CDH13: variants seen among roughly 807,000 people sequenced by gnomAD.
CDH13 encodes the protein cadherin 13.
In CDH13, 24 loss-of-function variants were observed where a neutral mutation model predicts 63.8. The ratio of observed to expected loss-of-function variants is 0.38; its 90% CI spans 0.27 to 0.53. The LOEUF is 0.53. CDH13 is among the 20% of genes least tolerant of loss of function. The pLI is 0.85. For missense variants in CDH13, 1,049 were observed against 903.1 expected, an observed-to-expected ratio of 1.16 and a Z score of -2.07; for synonymous variants, 503 against 355.3, an observed-to-expected ratio of 1.42 and a Z score of -4.67.
At chr16:83,085,718 G>C (rs1440177025) in intron 3 of CDH13, among the ~76,000 whole-genome samples, 1 of 152,168 alleles carries the variant, frequency 6.6e-6, no homozygotes, top group African/African-American at 2.4e-5. Context: ...AGGGAGATGA[G>C]CAACCATGTC....
chr16:83,569,414 G>T (rs1014985948), intron 7 of CDH13, among the ~76,000 whole-genome samples: 7 of 152,330 alleles, frequency 4.6e-5, no homozygotes, highest in South Asian at 2.1e-4. Context: ...CTTCCTTGGG[G>T]AGTAACTTTA....
chr16:83,117,045 C>G (rs149324854), intron 3 of CDH13, among the ~76,000 whole-genome samples: 2 of 152,194 alleles, frequency 1.3e-5, no homozygotes, highest in Non-Finnish European at 2.9e-5. Flanking sequence ...TGTTATCTTA[C>G]GACAGACCTG....
chr16:83,128,982 CTATT>C (rs1467606730), intron 4 of CDH13, among the ~76,000 whole-genome samples: 8 of 152,206 alleles, frequency 5.3e-5, no homozygotes, highest in Admixed American at 2.0e-4. Flanking sequence ...TTTGCAAAAA[CTATT>C]TATTTGTCCC....
At chr16:82,672,298 A>G (rs966635185) in intron 1 of CDH13, among the ~76,000 whole-genome samples, 1 of 152,200 alleles carries the variant, frequency 6.6e-6, no homozygotes, top group Non-Finnish European at 1.5e-5. Flanking sequence ...TGTCTTCCTC[A>G]TTATTACTCC....
At chr16:82,706,111 C>A (rs1055596056) in intron 1 of CDH13, among the ~76,000 whole-genome samples, 1 of 152,022 alleles carries the variant, frequency 6.6e-6, no homozygotes, top group Non-Finnish European at 1.5e-5. Flanking sequence ...TTCCTCACTC[C>A]TCCCTTCTCT....
rs1376556392 is a variant in CDH13, at chr16:83,602,797, G to A, written c.1101+203G>A. Among the ~76,000 whole-genome samples the A allele has an allele frequency of 7.9e-5, 12 of 152,138 alleles. No homozygotes were observed. The East Asian group carries it at 1.5e-3, about 20-fold the overall frequency. On this transcript the variant is annotated intron_variant, in intron 8 of 13. Transcript: ENST00000567109. Reference sequence around the variant, plus strand: ...GTGTGAGGCTAAAATACTAGAGCACGGTGAGAACAAGAGCACTGAATCTTG... The same window carrying A: ...GTGTGAGGCTAAAATACTAGAGCACAGTGAGAACAAGAGCACTGAATCTTG...
intron 8 of CDH13, among the ~76,000 whole-genome samples, chr16:83,625,697 C>G (rs1373431878): frequency 6.6e-6 from 1 of 152,230 alleles, no homozygotes; most frequent in Non-Finnish European, 1.5e-5. Context: ...GACCCATCGT[C>G]CCCTGAGGGA....
Position 83,713,819 on chromosome 16 carries a change from G to A in CDH13, c.1539-34289G>A, listed in dbSNP as rs547115211. Among the ~76,000 whole-genome samples, 210 of 152,284 alleles carry A rather than the reference G, an allele frequency of 1.4e-3. 1 individual carries two copies. The highest frequency in any genetic ancestry group is 2.1e-3 in the Non-Finnish European group (145 of 68,020). ...TGCCAGTGACGTCAGCCCTGCATGT[G>A]CCGTCAGGGTGGGGCTATCAGGAAT... On this transcript the variant is annotated intron_variant, in intron 10 of 13. Transcript: ENST00000567109.
Position 83,241,438 on chromosome 16 carries a change from A to T in CDH13, c.636+23941A>T, listed in dbSNP as rs560116936. On this transcript the variant is annotated intron_variant, in intron 5 of 13. Coordinates refer to ENST00000567109, the MANE Select transcript of CDH13 (RefSeq NM_001257.5). ...TTCTATAATGATTGTGCTATTTTAT[A>T]TTCTCACCAAGTGTATACAAGTGTG... Among the ~76,000 whole-genome samples, 63 of 152,314 alleles carry T rather than the reference A, an allele frequency of 4.1e-4. 1 individual carries two copies. The South Asian group carries it at 0.013, about 31-fold the overall frequency.
chr16:82,937,534 C>G (rs1011766096), intron 2 of CDH13, among the ~76,000 whole-genome samples: 5 of 152,146 alleles, frequency 3.3e-5, no homozygotes, highest in South Asian at 2.1e-4. Context: ...TATTCCTAAC[C>G]TTAATGCCAT....
At chr16:83,552,239 C>T (rs1460469276) in intron 7 of CDH13, among the ~76,000 whole-genome samples, 4 of 152,140 alleles carry the variant, frequency 2.6e-5, no homozygotes, top group Non-Finnish European at 4.4e-5. Flanking sequence ...TCTCTTGGTC[C>T]TGGGGATTCT....
intron 2 of CDH13, among the ~76,000 whole-genome samples, chr16:82,920,301 C>T (rs2042114514): frequency 6.6e-6 from 1 of 152,182 alleles, no homozygotes; most frequent in African/African-American, 2.4e-5. Flanking sequence ...CCTCATAATG[C>T]AAAGGTAGTT....
chr16:82,957,907 T>C (rs1013973590), intron 2 of CDH13, among the ~76,000 whole-genome samples: 1 of 152,200 alleles, frequency 6.6e-6, no homozygotes, highest in African/African-American at 2.4e-5. Context: ...TGTGCACTCA[T>C]AATTTTGCCA....
At chr16:82,979,355 G>C (rs1909955234) in intron 2 of CDH13, among the ~76,000 whole-genome samples, 1 of 152,184 alleles carries the variant, frequency 6.6e-6, no homozygotes, top group African/African-American at 2.4e-5. Context: ...GGATTTTGGA[G>C]AGTAGGGGCA....
chr16:82,746,808 C>G (rs7202898), intron 1 of CDH13, among the ~76,000 whole-genome samples: 21,225 of 152,110 alleles, frequency 0.14, 1,586 homozygotes, highest in African/African-American at 0.17. Context: ...TGGAAATACT[C>G]TGAATCATTT....
chr16:82,837,641 C>G (rs1241604500), intron 1 of CDH13, among the ~76,000 whole-genome samples: 1 of 152,176 alleles, frequency 6.6e-6, no homozygotes, highest in Non-Finnish European at 1.5e-5. Context: ...CTTAACTCCC[C>G]CAAGCAACAT....
At chr16:82,683,319 A>T (rs1485477446) in intron 1 of CDH13, among the ~76,000 whole-genome samples, 2 of 150,884 alleles carry the variant, frequency 1.3e-5, no homozygotes, top group East Asian at 2.0e-4. Context: ...TATCACCCCA[A>T]CCTCCCCGCT....
chr16:83,745,101 T>A (rs1472941196), intron 10 of CDH13, among the ~76,000 whole-genome samples: 1 of 152,138 alleles, frequency 6.6e-6, no homozygotes, highest in Non-Finnish European at 1.5e-5. Context: ...GCTGAAGGCA[T>A]AGATGCTGGA....
At chr16:83,649,259 A>G (rs929465525) in intron 8 of CDH13, among the ~76,000 whole-genome samples, 7 of 152,332 alleles carry the variant, frequency 4.6e-5, no homozygotes, top group South Asian at 4.1e-4. Flanking sequence ...TTGGAACAGT[A>G]TGTTTTCTAC....
Sources: gnomAD v4.1 joint callset for allele counts (sites outside exome capture counted in the v4.1 genomes callset) on GRCh38, gnomAD v4.1.1 for gene constraint, MANE v1.5 for transcripts, NCBI Gene and HGNC (gene_info 2026-07-23, HGNC 2026-07-21) for gene names.